Variants in WDFY4 observed in about 807,000 individuals in gnomAD.
WDFY4 encodes the protein WD repeat- and FYVE domain-containing protein 4.
WDFY4 carries 169 observed loss-of-function variants against 351.9 expected under a neutral mutation model. The ratio of observed to expected loss-of-function variants is 0.48; its 90% CI spans 0.42 to 0.55. WDFY4 has a LOEUF of 0.55. WDFY4 is among the 20% of genes least tolerant of loss of function. WDFY4 has a pLI of 0.00. For synonymous variants in WDFY4, 1,622 were observed against 1,574.6 expected (o/e 1.03, Z -0.71); for missense variants, 3,803 against 3,935.6 (o/e 0.97, Z 0.90).
At chr10:48,780,150 C>T (rs1438530926) in intron 19 of WDFY4, 31 bp downstream of exon 19, 1 of 1,550,236 alleles carries the variant, frequency 6.5e-7, no homozygotes, top group Non-Finnish European at 8.7e-7. Context: ...TGCACTTGCC[C>T]CACAACCATA....
At chr10:48,783,642 T>C (rs1184757938) in intron 19 of WDFY4, among the ~76,000 whole-genome samples, 2 of 152,200 alleles carry the variant, frequency 1.3e-5, no homozygotes, top group African/African-American at 2.4e-5. Context: ...TACTTTATCA[T>C]ATTTTGTAAT....
intron 12 of WDFY4, among the ~76,000 whole-genome samples, chr10:48,752,736 A>G (rs2065220574): frequency 6.6e-6 from 1 of 152,264 alleles, no homozygotes; most frequent in Non-Finnish European, 1.5e-5. Flanking sequence ...ATAAAATAAT[A>G]TTCCATCATA....
chr10:48,870,455 T>G (rs1177073797), intron 40 of WDFY4, among the ~76,000 whole-genome samples: 1 of 152,050 alleles, frequency 6.6e-6, no homozygotes, highest in African/African-American at 2.4e-5. Flanking sequence ...GGAAGATTGC[T>G]TCATCCCAGG....
At chr10:48,947,368 G>A (rs553802233) in intron 51 of WDFY4, among the ~76,000 whole-genome samples, 6 of 152,256 alleles carry the variant, frequency 3.9e-5, no homozygotes, top group East Asian at 3.9e-4. Flanking sequence ...TCAAGACATC[G>A]GAATGCATAA....
chr10:48,777,977 G>A (rs926870557), intron 17 of WDFY4, among the ~76,000 whole-genome samples: 7 of 152,236 alleles, frequency 4.6e-5, no homozygotes, highest in Admixed American at 2.6e-4. Flanking sequence ...TCTCTAGAGA[G>A]AAATATGAGT....
At chr10:48,816,791 A>G (rs1232740796) in intron 31 of WDFY4, among the ~76,000 whole-genome samples, 1 of 152,236 alleles carries the variant, frequency 6.6e-6, no homozygotes, top group Non-Finnish European at 1.5e-5. Context: ...TCTATATTAA[A>G]GATGTGAATT....
At chr10:48,961,735 T>A (rs1406546046) in intron 53 of WDFY4, among the ~76,000 whole-genome samples, 1 of 152,060 alleles carries the variant, frequency 6.6e-6, no homozygotes, top group Non-Finnish European at 1.5e-5. Flanking sequence ...CTTTGATGAA[T>A]GAGGAGAACA....
intron 31 of WDFY4, among the ~76,000 whole-genome samples, chr10:48,815,549 CT>C (rs2067591048): frequency 6.6e-6 from 1 of 152,094 alleles, no homozygotes. Context: ...GCCTCTGCTT[CT>C]CAGGCTCGGA....
In WDFY4 at chr10:48,743,139, A is replaced by C. The variant is rs1283696482; in HGVS notation, c.2050A>C (p.Thr684Pro). The change falls in exon 12 of 62, where the codon ACT becomes CCT. Residue 684 changes from threonine (T) to proline (P), a missense_variant. Thr to Pro is a conservative substitution (Grantham distance 38). Coordinates refer to ENST00000325239, the MANE Select transcript of WDFY4 (RefSeq NM_001394531.1). ...PRQTLELVLY[T>P]LCAVSAALHW... ...ACAGACCCTGGAGCTGGTTTTGTACACTCTCTGTGCTGTGTCCGCAGCGCT... is the reference window on the plus strand; with the variant it reads ...ACAGACCCTGGAGCTGGTTTTGTACCCTCTCTGTGCTGTGTCCGCAGCGCT... 6.4e-7 allele frequency: 1 copy of C among 1,551,034 alleles called. No homozygotes were observed. Among genetic ancestry groups the C allele is most frequent in the Non-Finnish European group, 8.7e-7 (1 of 1,146,858 alleles).
intron 13 of WDFY4, among the ~76,000 whole-genome samples, chr10:48,766,206 G>A (rs1482003575): frequency 6.6e-6 from 1 of 152,142 alleles, no homozygotes; most frequent in Admixed American, 6.5e-5. Flanking sequence ...TTCCCACTGA[G>A]CCCCTTACAC....
intron 47 of WDFY4, among the ~76,000 whole-genome samples, chr10:48,908,917 T>G (rs1037983150): frequency 2.6e-4 from 39 of 152,224 alleles, no homozygotes; most frequent in Non-Finnish European, 5.3e-4. Flanking sequence ...CCTACCTCCC[T>G]GTCTTCCCCC....
In WDFY4 at chr10:48,786,809, G is replaced by C. The variant is rs1169701465; in HGVS notation, c.3747G>C (p.Leu1249=). ...AAGAAGCCATTTCAATGGAAACTCT[G>C]GAAGTTATTAACAAACTTGGCCCAA... ...LFEEAISMET[L]EVINKLGPRY... Residue 1249 remains leucine (L), a synonymous_variant, in exon 20 of 62, where the codon CTG becomes CTC. Coordinates refer to ENST00000325239, the MANE Select transcript of WDFY4 (RefSeq NM_001394531.1). 1 of 1,552,162 alleles carries C rather than the reference G, an allele frequency of 6.4e-7. No individual in the cohort carries two copies. The highest frequency in any genetic ancestry group is 2.0e-5 in the Admixed American group (1 of 50,996).
chr10:48,860,645 T>C (rs1214626413), intron 39 of WDFY4, among the ~76,000 whole-genome samples: 2 of 152,230 alleles, frequency 1.3e-5, no homozygotes, highest in Non-Finnish European at 2.9e-5. Context: ...TTTACTCTTT[T>C]GTAATTATGC....
At position 48,729,503 on chromosome 10, in the gene WDFY4, C is replaced by A. The variant is rs2064382683; in HGVS notation, c.1043C>A (p.Thr348Lys). 4 of 1,551,718 alleles carry A rather than the reference C, an allele frequency of 2.6e-6. No homozygotes were observed. Among genetic ancestry groups the A allele is most frequent in the Non-Finnish European group, 3.5e-6 (4 of 1,147,002 alleles). Reference sequence around the variant, plus strand: ...CTCCTTGGGCTGGTGGTGTGGCTGACAACCTGTGGGAGGTCAGAGCTGAAG... The same window carrying A: ...CTCCTTGGGCTGGTGGTGTGGCTGAAAACCTGTGGGAGGTCAGAGCTGAAG... Reference protein sequence around the residue: ...EELLGLVVWLTTCGRSELKVF... With the variant: ...EELLGLVVWLKTCGRSELKVF... The change falls in exon 8 of 62, where the codon ACA (threonine) becomes AAA (lysine). Residue 348 changes from threonine to lysine, a missense_variant. By Grantham distance (78) the Thr-to-Lys change is moderately conservative. Transcript: ENST00000325239.
At chr10:48,837,918 C>G (rs1290314167) in intron 39 of WDFY4, among the ~76,000 whole-genome samples, 1 of 152,210 alleles carries the variant, frequency 6.6e-6, no homozygotes, top group Non-Finnish European at 1.5e-5. Flanking sequence ...CACTCACCAG[C>G]CTGCCAGCAA....
chr10:48,924,167 G>A (rs527320630), intron 47 of WDFY4, among the ~76,000 whole-genome samples: 12 of 152,308 alleles, frequency 7.9e-5, no homozygotes, highest in South Asian at 2.1e-4. Context: ...AGGCAGCCCC[G>A]GGGCCAGATG....
chr10:48,726,926 A>G (rs1405565811), intron 6 of WDFY4, among the ~76,000 whole-genome samples: 1 of 151,814 alleles, frequency 6.6e-6, no homozygotes, highest in Non-Finnish European at 1.5e-5. Flanking sequence ...GCTCCGCACC[A>G]CTCTGGTGGG....
intron 30 of WDFY4, 143 bp downstream of exon 30, chr10:48,811,851 A>T: frequency 3.6e-6 from 3 of 836,032 alleles, no homozygotes; most frequent in Non-Finnish European, 5.5e-6. Flanking sequence ...CCTCCCTAGC[A>T]GCCCACACCC....
At chr10:48,792,480 T>C (rs911089751) in intron 23 of WDFY4, among the ~76,000 whole-genome samples, 1 of 152,238 alleles carries the variant, frequency 6.6e-6, no homozygotes, top group African/African-American at 2.4e-5. Context: ...TAAATGGGTA[T>C]GTCTGAGTTT....
Sources: allele counts gnomAD v4.1 joint callset (sites outside exome capture counted in the v4.1 genomes callset), GRCh38; gene constraint gnomAD v4.1.1; transcripts MANE v1.5; gene names NCBI Gene and HGNC (gene_info 2026-07-23, HGNC 2026-07-21).